The following DGKB variants were observed in gnomAD, a reference collection of about 807,000 sequenced individuals.
DGKB encodes diacylglycerol kinase beta, also known as 90 kDa diacylglycerol kinase.
A neutral mutation model predicts 114.3 loss-of-function variants in DGKB; 67 were observed. The ratio of observed to expected loss-of-function variants is 0.59; its 90% CI spans 0.48 to 0.72. DGKB has a LOEUF of 0.72. Ranked by LOEUF, DGKB falls within the 30% of genes least tolerant of loss-of-function variation. The pLI, the probability that DGKB is intolerant of heterozygous loss-of-function variation, is 0.00. For synonymous variants in DGKB, 398 were observed against 323.1 expected (o/e 1.23, Z -2.49); for missense variants, 907 against 975.2 (o/e 0.93, Z 0.93).
At chr7:14,661,561 G>A (rs953609695) in intron 13 of DGKB, among the ~76,000 whole-genome samples, 1 of 151,632 alleles carries the variant, frequency 6.6e-6, no homozygotes. Context: ...AACAACAGGT[G>A]CTGGAGAGGA....
rs559069734 is a variant in DGKB, at chr7:14,613,135, T to C, written c.1358+205A>G. Reference sequence around the variant, plus strand: ...GAGAATTCAAACACCTGAGCTATAATAGTAAAAATAGTTACAAAAGGCCAT... The same window carrying C: ...GAGAATTCAAACACCTGAGCTATAACAGTAAAAATAGTTACAAAAGGCCAT... On this transcript the variant is annotated intron_variant, in intron 16 of 25. Coordinates refer to ENST00000402815, the MANE Select transcript of DGKB (RefSeq NM_001350709.2). Among the ~76,000 whole-genome samples, 6 of 152,174 alleles carry C rather than the reference T, an allele frequency of 3.9e-5. No homozygotes were observed. The East Asian group carries it at 9.7e-4, about 25-fold the overall frequency.
rs916282981 is a variant in DGKB at position 14,719,378 on chromosome 7, C to T, written c.323-693G>A. On this transcript the variant is annotated intron_variant, in intron 5 of 25. Coordinates refer to ENST00000402815, the MANE Select transcript of DGKB (RefSeq NM_001350709.2). ...TCACAAGGATATAGGTTGCTTATTA[C>T]CTGTCTGGTGATAATCTAACCGAAA... is the stretch of plus-strand genomic sequence containing the variant. Among the ~76,000 whole-genome samples the T allele has an allele frequency of 3.0e-5, 4 of 134,274 alleles. No individual in the cohort carries two copies. The South Asian group carries it at 1.1e-3, about 36-fold the overall frequency. The allele number at this position is 134,274 out of a possible 152,430, so 88.1% of individuals were successfully genotyped here. A position where few individuals can be genotyped will look rare whatever the true frequency, so the allele number is the denominator to read the frequency against.
At chr7:14,385,753 G>A (rs182783777) in intron 21 of DGKB, among the ~76,000 whole-genome samples, 1 of 152,284 alleles carries the variant, frequency 6.6e-6, no homozygotes, top group African/African-American at 2.4e-5. Flanking sequence ...ATATATGAAT[G>A]TAAGCATCTC....
At chr7:14,893,112 C>G (rs1781547460) in intron 1 of DGKB, among the ~76,000 whole-genome samples, 1 of 151,294 alleles carries the variant, frequency 6.6e-6, no homozygotes, top group African/African-American at 2.4e-5. Context: ...CTCTACCTTT[C>G]TTTAAACCTT....
At chr7:14,923,441 CA>C (rs2128247939) in intron 1 of DGKB, among the ~76,000 whole-genome samples, 1 of 152,220 alleles carries the variant, frequency 6.6e-6, no homozygotes, top group Non-Finnish European at 1.5e-5. Context: ...GATTTTTAAA[CA>C]AGTCACTTTT....
intron 2 of DGKB, among the ~76,000 whole-genome samples, chr7:14,779,376 A>C (rs1367102037): frequency 2.0e-5 from 3 of 152,050 alleles, no homozygotes; most frequent in African/African-American, 4.8e-5. Flanking sequence ...TCTCTATAAA[A>C]AAATACAAAA....
chr7:14,169,800 G>A (rs945010557), intron 25 of DGKB, among the ~76,000 whole-genome samples: 2 of 152,040 alleles, frequency 1.3e-5, no homozygotes, highest in Non-Finnish European at 2.9e-5. Context: ...GGGATTTTCT[G>A]TTTTAAATGA....
At chr7:14,185,079 A>C (rs1281000629) in intron 23 of DGKB, among the ~76,000 whole-genome samples, 1 of 152,188 alleles carries the variant, frequency 6.6e-6, no homozygotes, top group East Asian at 1.9e-4. Flanking sequence ...AAGAGGAAGT[A>C]AAACTGTCAC....
At chr7:14,431,884 G>T (rs1828505119) in intron 21 of DGKB, among the ~76,000 whole-genome samples, 1 of 151,960 alleles carries the variant, frequency 6.6e-6, no homozygotes, top group Non-Finnish European at 1.5e-5. Context: ...TTGTAGCTAT[G>T]GTATAAGAGA....
chr7:14,186,072 TAAAC>T (rs1371029220), intron 23 of DGKB, among the ~76,000 whole-genome samples: 12 of 151,820 alleles, frequency 7.9e-5, no homozygotes, highest in African/African-American at 2.9e-4. Flanking sequence ...GTCAGCAGAG[TAAAC>T]AGACAACCCA....
At chr7:14,781,635 G>A (rs1839106194) in intron 2 of DGKB, among the ~76,000 whole-genome samples, 1 of 152,090 alleles carries the variant, frequency 6.6e-6, no homozygotes, top group African/African-American at 2.4e-5. Context: ...ATTACTCAGA[G>A]ACTTGTTCTT....
chr7:14,244,319 C>A (rs1253271543), intron 23 of DGKB, among the ~76,000 whole-genome samples: 2 of 152,088 alleles, frequency 1.3e-5, no homozygotes, highest in African/African-American at 4.8e-5. Context: ...TGCTTGCGTT[C>A]TTCCCAAATT....
At chr7:14,859,126 G>C (rs1051015344) in intron 1 of DGKB, among the ~76,000 whole-genome samples, 1 of 152,192 alleles carries the variant, frequency 6.6e-6, no homozygotes, top group South Asian at 2.1e-4. Context: ...AGGAGAGAAG[G>C]CAAATTCCAG....
At chr7:14,442,794 C>G (rs181070538) in intron 21 of DGKB, among the ~76,000 whole-genome samples, 2 of 152,244 alleles carry the variant, frequency 1.3e-5, no homozygotes, top group African/African-American at 4.8e-5. Flanking sequence ...CATCCTCCTG[C>G]CTCTGCCTCC....
chr7:14,154,315 T>C (rs146040055), intron 25 of DGKB, among the ~76,000 whole-genome samples: 48 of 151,924 alleles, frequency 3.2e-4, no homozygotes, highest in African/African-American at 1.1e-3. Context: ...TTGACAATAT[T>C]TTTATAGTCT....
intron 12 of DGKB, among the ~76,000 whole-genome samples, chr7:14,673,587 A>C (rs1310228492): frequency 6.6e-6 from 1 of 152,004 alleles, no homozygotes; most frequent in East Asian, 1.9e-4. Flanking sequence ...ATAAAAATTT[A>C]TCTGTATATT....
intron 13 of DGKB, among the ~76,000 whole-genome samples, chr7:14,645,303 G>T (rs1028925960): frequency 3.3e-5 from 5 of 152,024 alleles, no homozygotes; most frequent in Non-Finnish European, 7.4e-5. Flanking sequence ...TTTTGGTCAC[G>T]GACAAGAAAC....
intron 23 of DGKB, among the ~76,000 whole-genome samples, chr7:14,310,983 C>A (rs1805296084): frequency 6.6e-6 from 1 of 151,764 alleles, no homozygotes; most frequent in South Asian, 2.1e-4. Context: ...CAAAAATTAG[C>A]CAGATGTGGT....
chr7:14,680,127 G>A (rs1563887949), intron 12 of DGKB, among the ~76,000 whole-genome samples: 1 of 151,786 alleles, frequency 6.6e-6, no homozygotes, highest in Non-Finnish European at 1.5e-5. Flanking sequence ...TTAGTAAGAG[G>A]GCAGCCTTTT....
Sources: gnomAD v4.1 joint callset for allele counts (sites outside exome capture counted in the v4.1 genomes callset) on GRCh38, gnomAD v4.1.1 for gene constraint, MANE v1.5 for transcripts, NCBI Gene and HGNC (gene_info 2026-07-23, HGNC 2026-07-21) for gene names.